The following TERT variants were observed in gnomAD, a reference collection of about 807,000 sequenced individuals.
TERT encodes telomerase reverse transcriptase.
Under a neutral mutation model 104.0 loss-of-function variants are expected in TERT, and 42 were observed. The observed-to-expected ratio is 0.40, with a 90% CI of 0.32 to 0.52. The LOEUF (loss-of-function observed/expected upper bound fraction) is 0.52. Among genes scored for constraint, TERT ranks in the 20% least tolerant of loss-of-function variants. The pLI is 0.43. For missense variants in TERT, 1,101 were observed against 1,610.3 expected (o/e 0.68, Z 5.41); for synonymous variants, 781 against 725.6 (o/e 1.08, Z -1.23).
At chr5:1,254,027 C>T (rs988625997) in intron 15 of TERT, among the ~76,000 whole-genome samples, 196 bp from the exon 16 acceptor site, 4 of 152,172 alleles carry the variant, frequency 2.6e-5, no homozygotes, top group African/African-American at 4.8e-5. Flanking sequence ...AGCGGCGGGG[C>T]GGGGAGAGAA....
chr5:1,266,450 G>A lies in TERT; in HGVS notation c.2654+14C>T, dbSNP rs754348098. The stretch of plus-strand genomic sequence containing the variant: ...GCTGTGGAGGTCCCCACAGACACAC[G>A]GCACGGGCCTCACCTGAGGAAGGTT... On this transcript the variant is annotated intron_variant, in intron 10 of 15. Transcript: ENST00000310581. 16 of 1,602,524 alleles carry A rather than the reference G, an allele frequency of 1.0e-5. No individual in the cohort carries two copies. The highest frequency in any genetic ancestry group is 2.2e-5 in the East Asian group (1 of 44,598).
In TERT at chr5:1,263,579, T is replaced by C. The variant is rs1748379370; in HGVS notation, c.2843+825A>G. 6.6e-6 allele frequency among the ~76,000 whole-genome samples: 1 copy of C among 152,224 alleles called. No homozygotes were observed. The highest frequency in any genetic ancestry group is 2.4e-5 in the African/African-American group (1 of 41,462). Reference sequence around the variant, plus strand: ...CCACCAGGCCAGGCTAATTTTTGTATTTTTTAAGTAGAAATGGAATTTCAC... The same window carrying C: ...CCACCAGGCCAGGCTAATTTTTGTACTTTTTAAGTAGAAATGGAATTTCAC... On this transcript the variant is annotated intron_variant, in intron 11 of 15. Transcript: ENST00000310581. This position sits in a 1 kb window ranked among gnomAD's most constrained non-coding sequence, Gnocchi z 5.3.
At chr5:1,267,982 A>T (rs965461118) in intron 9 of TERT, among the ~76,000 whole-genome samples, 28 of 141,126 alleles carry the variant, frequency 2.0e-4, no homozygotes, top group Non-Finnish European at 1.2e-4. Flanking sequence ...TTAAAGTATT[A>T]AAAAAAAAAA....
At position 1,268,429 on chromosome 5, in the gene TERT, T is replaced by C; in HGVS notation, c.2582+91A>G. On this transcript the variant is annotated intron_variant, in intron 9 of 15. Coordinates refer to ENST00000310581, the MANE Select transcript of TERT (RefSeq NM_198253.3). This position sits in a 1 kb window ranked among gnomAD's most constrained non-coding sequence, Gnocchi z 5.5. ...CTGGTTCCTCAAGACAGAGCAGTCA[T>C]GGTCTCCAGAGCACCAGGAATATTA... 2.0e-6 allele frequency: 2 copies of C among 1,005,570 alleles called. No homozygotes were observed. Among genetic ancestry groups the C allele is most frequent in the African/African-American group, 1.6e-5 (1 of 62,842 alleles). The allele number at this position is 1,005,570 out of a possible 1,614,324, so 62.3% of individuals were successfully genotyped here.
chr5:1,266,522 A>G lies in TERT; in HGVS notation c.2596T>C (p.Leu866=), dbSNP rs1060504798. 6.2e-7 allele frequency: 1 copy of G among 1,610,140 alleles called. No individual in the cohort carries two copies. The highest frequency in any genetic ancestry group is 2.2e-5 in the East Asian group (1 of 44,844). Residue 866 remains leucine (L), a synonymous_variant, in exon 10 of 16, where the codon TTG becomes CTG. Transcript: ENST00000310581. ...GTCACCAACAAGAAATCATCCACCA[A>G]ACGCAGGAGCAGCCTAAAATAAGGG... ...GIRRDGLLLR[L]VDDFLLVTPH...
Position 1,264,722 on chromosome 5 carries a change from G to C in TERT, c.2655-130C>G. 1.9e-6 allele frequency: 2 copies of C among 1,045,670 alleles called. 1 individual carries two copies. The highest frequency in any genetic ancestry group is 2.9e-6 in the Non-Finnish European group (2 of 699,110). 64.8% of individuals were successfully genotyped at this position (1,045,670 alleles called of 1,614,324 possible). On this transcript the variant is annotated intron_variant, in intron 10 of 15. Transcript: ENST00000310581. ...TTGGAGCAGGGTGCTGGGCCTGGCA[G>C]GAGCTCTGAGGAGCCTGGACCCAGC...
At position 1,292,840 on chromosome 5, in the gene TERT, A is replaced by G. The variant is rs1295431391; in HGVS notation, c.1573+473T>C. Among the ~76,000 whole-genome samples the G allele has an allele frequency of 6.6e-6, 1 of 152,168 alleles. No individual in the cohort carries two copies. The highest frequency in any genetic ancestry group is 1.5e-5 in the Non-Finnish European group (1 of 68,020). Reference sequence around the variant, plus strand: ...CAACACACAATTAAATCTTAAACACAAACCTGCATATTGGCTGACCACGTG... The same window carrying G: ...CAACACACAATTAAATCTTAAACACGAACCTGCATATTGGCTGACCACGTG... On this transcript the variant is annotated intron_variant, in intron 2 of 15. Coordinates refer to ENST00000310581, the MANE Select transcript of TERT (RefSeq NM_198253.3). This position sits in a 1 kb window ranked among gnomAD's most constrained non-coding sequence, Gnocchi z 5.5.
At position 1,287,077 on chromosome 5, in the gene TERT, A is replaced by T. The variant is rs1347476422; in HGVS notation, c.1574-4453T>A. Among the ~76,000 whole-genome samples, 1 of 152,206 alleles carries T rather than the reference A, an allele frequency of 6.6e-6. No homozygotes were observed. Among genetic ancestry groups the T allele is most frequent in the African/African-American group, 2.4e-5 (1 of 41,458 alleles). ...GGCAAGTGGAGAATCAGAGTGCACC[A>T]GGCGGGTCTCTAGTGACAAAAAAAT... On this transcript the variant is annotated intron_variant, in intron 2 of 15. Coordinates refer to ENST00000310581, the MANE Select transcript of TERT (RefSeq NM_198253.3). The surrounding 1 kb of genome is among the most constrained non-coding windows in gnomAD (Gnocchi z 4.3).
chr5:1,266,226 C>G (rs926121122), intron 10 of TERT, among the ~76,000 whole-genome samples: 3 of 152,246 alleles, frequency 2.0e-5, no homozygotes, highest in Non-Finnish European at 4.4e-5. Context: ...ACGTGTGTAA[C>G]CTGGGTGCGT....
Position 1,272,300 on chromosome 5 carries a change from C to T in TERT, c.2287-20G>A, listed in dbSNP as rs755542758. On this transcript the variant is annotated intron_variant, in intron 6 of 15. Transcript: ENST00000310581. ...AGAGACCTGCCGGCAGAGGAGAGGGCATGAGCCACAAATGTGGCCTGCCCC... is the reference window on the plus strand; with the variant it reads ...AGAGACCTGCCGGCAGAGGAGAGGGTATGAGCCACAAATGTGGCCTGCCCC... The T allele has an allele frequency of 2.5e-6, 4 of 1,600,342 alleles. No homozygotes were observed. The highest frequency in any genetic ancestry group is 1.1e-5 in the South Asian group (1 of 89,392).
rs1750556316 is a variant in TERT, at chr5:1,287,369, G to A, written c.1574-4745C>T. On this transcript the variant is annotated intron_variant, in intron 2 of 15. Transcript: ENST00000310581. This position sits in a 1 kb window ranked among gnomAD's most constrained non-coding sequence, Gnocchi z 4.3. ...TTAAAAATTAGCCAGGTGTAGCGGTGCGTGTCTGCAGTTCCAGCTATTCAG... is the reference window on the plus strand; with the variant it reads ...TTAAAAATTAGCCAGGTGTAGCGGTACGTGTCTGCAGTTCCAGCTATTCAG... Among the ~76,000 whole-genome samples, 1 of 151,882 alleles carries A rather than the reference G, an allele frequency of 6.6e-6. No homozygotes were observed. The highest frequency in any genetic ancestry group is 2.1e-4 in the South Asian group (1 of 4,790).
intron 2 of TERT, among the ~76,000 whole-genome samples, chr5:1,289,732 C>A (rs1579590561): frequency 2.7e-5 from 3 of 109,546 alleles, no homozygotes; most frequent in African/African-American, 4.3e-5. Flanking sequence ...ACTCACCCTG[C>A]ACGTGACAGG....
rs988172083 is a variant in TERT, at chr5:1,292,377, C to T, written c.1573+936G>A. Among the ~76,000 whole-genome samples, 12 of 152,168 alleles carry T rather than the reference C, an allele frequency of 7.9e-5. No homozygotes were observed. The highest frequency in any genetic ancestry group is 2.9e-4 in the African/African-American group (12 of 41,422). ...TCCCCTGAACACCCACAAACACTGT[C>T]CCTTCCTCAGCAGGTGGAGCCATCT... is the stretch of plus-strand genomic sequence containing the variant. On this transcript the variant is annotated intron_variant, in intron 2 of 15. Coordinates refer to ENST00000310581, the MANE Select transcript of TERT (RefSeq NM_198253.3). The surrounding 1 kb of genome is among the most constrained non-coding windows in gnomAD (Gnocchi z 5.5).
At chr5:1,293,129 A>C (rs1217794639) in intron 2 of TERT, among the ~76,000 whole-genome samples, 184 bp downstream of exon 2, 1 of 152,218 alleles carries the variant, frequency 6.6e-6, no homozygotes, top group South Asian at 2.1e-4. Context: ...AAGTTTATGC[A>C]AACTGGACAG....
chr5:1,290,511 C>T (rs1750829879), intron 2 of TERT, among the ~76,000 whole-genome samples: 2 of 53,454 alleles, frequency 3.7e-5, no homozygotes, highest in African/African-American at 1.4e-4. Context: ...CACCCGGGGA[C>T]AGCGCCTCAC....
At chr5:1,258,390 G>A (rs1338508460) in intron 13 of TERT, among the ~76,000 whole-genome samples, 2 of 152,264 alleles carry the variant, frequency 1.3e-5, no homozygotes, top group Admixed American at 1.3e-4. Context: ...GGGCCACACC[G>A]GCTCCTACCA....
rs112748442 is a variant in TERT at position 1,291,561 on chromosome 5, C to G, written c.1573+1752G>C. ...ACACGTGACAGGGACACCCGGGGAC[C>G]GCGCCTCACTCACCCTGCACGTGAC... On this transcript the variant is annotated intron_variant, in intron 2 of 15. Transcript: ENST00000310581. 7.9e-3 allele frequency among the ~76,000 whole-genome samples: 284 copies of G among 35,730 alleles called. 1 individual carries two copies. The highest frequency in any genetic ancestry group is 0.014 in the African/African-American group (81 of 5,798). The allele number at this position is 35,730 out of a possible 152,430, so 23.4% of individuals were successfully genotyped here.
In TERT at chr5:1,293,710, C is replaced by G. The variant is rs1233765307; in HGVS notation, c.1176G>C (p.Leu392=). The change falls in exon 2 of 16, where the codon CTG becomes CTC. Residue 392 remains leucine (L), a synonymous_variant. Transcript: ENST00000310581. The stretch of plus-strand genomic sequence containing the variant: ...CGTGGTTCCCAAGCAGCTCCAGAAA[C>G]AGGGGCCGCATTTGCCAGTAGCGCT... ...LPQRYWQMRP[L]FLELLGNHAQ... is the part of the protein sequence containing the mutation. 8.9e-6 allele frequency: 14 copies of G among 1,573,426 alleles called. No individual in the cohort carries two copies. Among genetic ancestry groups the G allele is most frequent in the Non-Finnish European group, 1.2e-5 (14 of 1,160,026 alleles).
At position 1,255,534 on chromosome 5, in the gene TERT, G is replaced by A; in HGVS notation, c.3033-123C>T. 1 of 1,234,186 alleles carries A rather than the reference G, an allele frequency of 8.1e-7. No homozygotes were observed. The highest frequency in any genetic ancestry group is 2.4e-5 in the East Asian group (1 of 41,852). 76.5% of individuals were successfully genotyped at this position (1,234,186 alleles called of 1,614,324 possible). A position where few individuals can be genotyped will look rare whatever the true frequency, so the allele number is the denominator to read the frequency against. On this transcript the variant is annotated intron_variant, in intron 13 of 15. Coordinates refer to ENST00000310581, the MANE Select transcript of TERT (RefSeq NM_198253.3). This position sits in a 1 kb window ranked among gnomAD's most constrained non-coding sequence, Gnocchi z 6.9. The stretch of plus-strand genomic sequence containing the variant: ...AATGCACATGCATGGGTTTCCTCAT[G>A]GGCACAGGTGCACACACACGGATGC...
Sources: gnomAD v4.1 joint callset for allele counts (sites outside exome capture counted in the v4.1 genomes callset) on GRCh38, gnomAD v4.1.1 for gene constraint, Gnocchi (gnomAD v3.1) non-coding constraint, MANE v1.5 for transcripts, NCBI Gene and HGNC (gene_info 2026-07-23, HGNC 2026-07-21) for gene names.